CRB1: variants seen among roughly 807,000 people sequenced by gnomAD.
CRB1 encodes the protein crumbs cell polarity complex component 1.
A neutral mutation model predicts 120.0 loss-of-function variants in CRB1; 83 were observed. The observed-to-expected ratio is 0.69, with a 90% CI of 0.58 to 0.83. The LOEUF is 0.83. CRB1 is among the 40% of genes least tolerant of loss of function. The pLI is 0.00. For synonymous variants in CRB1, 625 were observed against 612.5 expected (o/e 1.02, Z -0.30); for missense variants, 1,699 against 1,687.6 (o/e 1.01, Z -0.12).
In CRB1 at chr1:197,290,232, A is replaced by G. The variant is rs1656088591; in HGVS notation, c.70+21750A>G. ...CTTTTGCAAAGTAGCCAAGGATACC[A>G]CTGGCTCAAAATCAGTTTTTTATGT... On this transcript the variant is annotated intron_variant, in intron 1 of 11. Coordinates refer to ENST00000367400, the MANE Select transcript of CRB1 (RefSeq NM_201253.3). Among the ~76,000 whole-genome samples the G allele has an allele frequency of 1.9e-4, 29 of 150,536 alleles. No homozygotes were observed. The Admixed American group carries it at 1.9e-3, about 10-fold the overall frequency.
chr1:197,388,026 A>G (rs1193922940), intron 5 of CRB1, among the ~76,000 whole-genome samples: 2 of 151,960 alleles, frequency 1.3e-5, no homozygotes, highest in Non-Finnish European at 2.9e-5. Context: ...ATGCACACAC[A>G]TAGTATTTAA....
At chr1:197,220,327 A>G in the CRB1 span, among the ~76,000 whole-genome samples, 1 of 152,350 alleles carries the variant, frequency 6.6e-6, no homozygotes, top group South Asian at 2.1e-4. Context: ...TGTATAAACA[A>G]GTAAATAATG....
chr1:197,405,329 C>T (rs1437759351), intron 5 of CRB1, among the ~76,000 whole-genome samples: 3 of 152,126 alleles, frequency 2.0e-5, no homozygotes, highest in African/African-American at 7.2e-5. Context: ...CCGCCAGCCT[C>T]GGCCTCCCGA....
intron 1 of CRB1, among the ~76,000 whole-genome samples, chr1:197,270,420 C>T (rs1654843650): frequency 6.6e-6 from 1 of 152,152 alleles, no homozygotes; most frequent in Non-Finnish European, 1.5e-5. Context: ...GCCCCAGGTA[C>T]TTAGTAGATC....
intron 5 of CRB1, among the ~76,000 whole-genome samples, chr1:197,362,338 A>G (rs942792875): frequency 1.3e-5 from 2 of 152,092 alleles, no homozygotes; most frequent in African/African-American, 4.8e-5. Flanking sequence ...GTGTTCTGCT[A>G]TTGTTTAGAG....
chr1:197,324,388 T>C (rs911606823), intron 1 of CRB1, among the ~76,000 whole-genome samples: 2 of 152,218 alleles, frequency 1.3e-5, no homozygotes, highest in African/African-American at 2.4e-5. Flanking sequence ...ATAAGATATA[T>C]GTACTTTGGA....
At chr1:197,470,466 G>A (rs77392794) in intron 11 of CRB1, among the ~76,000 whole-genome samples, 1 of 152,338 alleles carries the variant, frequency 6.6e-6, no homozygotes, top group East Asian at 1.9e-4. Context: ...GAAATGGCTA[G>A]CCATTATCTT....
chr1:197,295,058 TAAAAG>T (rs921255931), intron 1 of CRB1, among the ~76,000 whole-genome samples: 15 of 152,098 alleles, frequency 9.9e-5, no homozygotes, highest in African/African-American at 3.6e-4. Flanking sequence ...AGTATAATAA[TAAAAG>T]AAAAGACCTA....
chr1:197,378,684 A>C (rs951825185), intron 5 of CRB1, among the ~76,000 whole-genome samples: 3 of 151,884 alleles, frequency 2.0e-5, no homozygotes, highest in African/African-American at 7.3e-5. Context: ...TCTACTGCTG[A>C]AGCTGTATAT....
intron 1 of CRB1, among the ~76,000 whole-genome samples, chr1:197,298,923 G>T (rs139686286): frequency 0.013 from 1,905 of 151,848 alleles, 32 homozygotes; most frequent in Non-Finnish European, 0.017. Flanking sequence ...CTTTACAAAA[G>T]CAAAAGAATA....
chr1:197,269,464 A>G (rs1654786178), intron 1 of CRB1, among the ~76,000 whole-genome samples: 1 of 152,192 alleles, frequency 6.6e-6, no homozygotes, highest in Non-Finnish European at 1.5e-5. Context: ...AACCAAGTCA[A>G]ACTTTAAACA....
chr1:197,328,373 T>C (rs1163122377), intron 1 of CRB1, 49 bp from the exon 2 acceptor site: 1 of 1,459,678 alleles, frequency 6.9e-7, no homozygotes, highest in Non-Finnish European at 9.6e-7. Context: ...GATTTTTAAC[T>C]TTGTCCTCAT....
chr1:197,442,559 A>AT, intron 11 of CRB1: 1 of 1,421,062 alleles, frequency 7.0e-7, no homozygotes, highest in Non-Finnish European at 9.2e-7. Context: ...TATTTTAAAC[A>AT]TATCAGAAGC....
chr1:197,473,241 C>A (rs546218160), intron 11 of CRB1, among the ~76,000 whole-genome samples: 1 of 152,342 alleles, frequency 6.6e-6, no homozygotes, highest in South Asian at 2.1e-4. Flanking sequence ...TTAGCAAGTG[C>A]ATGCTGTTTC....
At chr1:197,418,963 A>G (rs1379576510) in intron 5 of CRB1, among the ~76,000 whole-genome samples, 1 of 152,208 alleles carries the variant, frequency 6.6e-6, no homozygotes, top group Non-Finnish European at 1.5e-5. Flanking sequence ...TGACTACAGT[A>G]CTATTTGAAT....
chr1:197,373,300 A>G (rs1661470403), intron 5 of CRB1, among the ~76,000 whole-genome samples: 2 of 152,190 alleles, frequency 1.3e-5, no homozygotes, highest in African/African-American at 4.8e-5. Context: ...ATATTCAACC[A>G]GTGTTCATTG....
intron 11 of CRB1, among the ~76,000 whole-genome samples, chr1:197,472,899 C>A (rs1310711949): frequency 6.6e-6 from 1 of 152,154 alleles, no homozygotes. Flanking sequence ...CAAGAGTAAT[C>A]ACATGGATCA....
At chr1:197,329,617 T>G (rs1658735841) in intron 2 of CRB1, among the ~76,000 whole-genome samples, 1 of 152,222 alleles carries the variant, frequency 6.6e-6, no homozygotes, top group Admixed American at 6.5e-5. Context: ...AGTTGACAAC[T>G]CATCATTACC....
intron 1 of CRB1, among the ~76,000 whole-genome samples, chr1:197,303,152 T>G (rs1656969574): frequency 6.6e-6 from 1 of 151,624 alleles, no homozygotes; most frequent in African/African-American, 2.4e-5. Context: ...ATTATTATAC[T>G]TTAAGTTTTA....
Sources: allele counts gnomAD v4.1 joint callset (sites outside exome capture counted in the v4.1 genomes callset), GRCh38; gene constraint gnomAD v4.1.1; transcripts MANE v1.5; gene names NCBI Gene and HGNC (gene_info 2026-07-23, HGNC 2026-07-21).